WDR49: variants seen among roughly 807,000 people sequenced by gnomAD.
WDR49 encodes WD repeat domain 49, also known as cilia- and flagella-associated protein 337.
A neutral mutation model predicts 119.5 loss-of-function variants in WDR49; 107 were observed. The ratio of observed to expected loss-of-function variants is 0.90; its 90% CI spans 0.77 to 1.05. WDR49 has a LOEUF of 1.05. Among genes scored for constraint, WDR49 ranks in the 50% least tolerant of loss-of-function variants. The pLI, the probability that WDR49 is intolerant of heterozygous loss-of-function variation, is 0.00. For synonymous variants in WDR49, 425 were observed against 418.8 expected, an observed-to-expected ratio of 1.01 and a Z score of -0.18; for missense variants, 1,240 against 1,220.5, an observed-to-expected ratio of 1.02 and a Z score of -0.24.
intron 10 of WDR49, among the ~76,000 whole-genome samples, chr3:167,540,680 C>T (rs934187176): frequency 4.6e-5 from 7 of 152,064 alleles, no homozygotes; most frequent in Admixed American, 1.3e-4. Flanking sequence ...GGCTCCCCAG[C>T]AATGAATCCA....
At position 167,620,535 on chromosome 3, in the gene WDR49, A is replaced by G; in HGVS notation, c.852T>C (p.Asp284=). 2 of 1,535,818 alleles carry G rather than the reference A, an allele frequency of 1.3e-6. No individual in the cohort carries two copies. The highest frequency in any genetic ancestry group is 1.7e-6 in the Non-Finnish European group (2 of 1,146,636). ...LFERPASACE[D]GEATMTINWA... is the part of the protein sequence containing the mutation. ...AGTTAATGGTCATAGTGGCTTCTCC[A>G]TCTTCACATGCACTAGCAGGCCGTT... The change falls in exon 5 of 19, where the codon GAT becomes GAC. Residue 284 remains aspartate (D), a synonymous_variant. Transcript: ENST00000682715.
intron 7 of WDR49, among the ~76,000 whole-genome samples, chr3:167,590,453 G>C (rs894826712): frequency 6.6e-6 from 1 of 151,946 alleles, no homozygotes; most frequent in Non-Finnish European, 1.5e-5. Flanking sequence ...CCTTTACTTT[G>C]TGGAGTAGTT....
intron 4 of WDR49, among the ~76,000 whole-genome samples, chr3:167,621,264 C>G (rs757645622): frequency 6.6e-6 from 1 of 151,972 alleles, no homozygotes; most frequent in African/African-American, 2.4e-5. Context: ...AAAAAACAAA[C>G]AAACCCCCAC....
At chr3:167,486,654 T>C (rs1750930438) in intron 18 of WDR49, among the ~76,000 whole-genome samples, 1 of 151,986 alleles carries the variant, frequency 6.6e-6, no homozygotes, top group African/African-American at 2.4e-5. Flanking sequence ...AAGAAGGGCA[T>C]ATGCATATAA....
intron 5 of WDR49, among the ~76,000 whole-genome samples, chr3:167,615,987 A>G (rs1357677674): frequency 3.3e-5 from 5 of 152,234 alleles, no homozygotes; most frequent in Non-Finnish European, 7.3e-5. Flanking sequence ...GAACATGATA[A>G]TAAACAAACC....
At chr3:167,493,527 T>G (rs1458120874) in intron 18 of WDR49, among the ~76,000 whole-genome samples, 1 of 152,194 alleles carries the variant, frequency 6.6e-6, no homozygotes, top group Non-Finnish European at 1.5e-5. Context: ...CAGTGAGGCA[T>G]GGAAAACACT....
chr3:167,628,933 T>C (rs1717247209), intron 2 of WDR49, among the ~76,000 whole-genome samples: 1 of 152,116 alleles, frequency 6.6e-6, no homozygotes. Flanking sequence ...GCTCATTTAT[T>C]ATTCCCAAAA....
chr3:167,572,741 T>C (rs1714007626), intron 8 of WDR49, among the ~76,000 whole-genome samples: 1 of 152,096 alleles, frequency 6.6e-6, no homozygotes, highest in Admixed American at 6.5e-5. Flanking sequence ...GGAAAACAAC[T>C]AAAAAATGCG....
chr3:167,643,703 G>A (rs1717987790), intron 2 of WDR49, among the ~76,000 whole-genome samples: 1 of 151,988 alleles, frequency 6.6e-6, no homozygotes, highest in Non-Finnish European at 1.5e-5. Context: ...ATAAAGGAAG[G>A]CCTATGTCTA....
chr3:167,495,098 A>G (rs951658991), intron 18 of WDR49, among the ~76,000 whole-genome samples: 1 of 152,194 alleles, frequency 6.6e-6, no homozygotes. Flanking sequence ...CTGTCATACA[A>G]TAAAAAATTA....
chr3:167,568,098 C>A (rs1713712748), intron 8 of WDR49, among the ~76,000 whole-genome samples: 1 of 152,112 alleles, frequency 6.6e-6, no homozygotes, highest in Admixed American at 6.5e-5. Flanking sequence ...AATAAACATC[C>A]TTTGTGGCGT....
chr3:167,582,788 A>T (rs1398414694), intron 7 of WDR49, among the ~76,000 whole-genome samples: 2 of 152,036 alleles, frequency 1.3e-5, no homozygotes, highest in Non-Finnish European at 2.9e-5. Flanking sequence ...CTCTACTAAA[A>T]CTACAAAAAA....
intron 8 of WDR49, among the ~76,000 whole-genome samples, chr3:167,572,602 G>A (rs915324771): frequency 2.0e-5 from 3 of 152,154 alleles, no homozygotes; most frequent in Admixed American, 1.3e-4. Flanking sequence ...TCTAGTAGTC[G>A]AGCATTCATT....
intron 2 of WDR49, among the ~76,000 whole-genome samples, chr3:167,635,386 G>T (rs1472132628): frequency 6.6e-6 from 1 of 151,662 alleles, no homozygotes; most frequent in African/African-American, 2.4e-5. Context: ...CTAAAGTATA[G>T]TTCTATTAGT....
chr3:167,549,566 T>A (rs1004498277), intron 10 of WDR49, among the ~76,000 whole-genome samples: 1 of 152,222 alleles, frequency 6.6e-6, no homozygotes, highest in Admixed American at 6.5e-5. Context: ...TAAATTTGTT[T>A]AAGTTCTTCG....
chr3:167,621,242 A>G (rs1163488228), intron 4 of WDR49, among the ~76,000 whole-genome samples: 2 of 152,150 alleles, frequency 1.3e-5, no homozygotes, highest in Non-Finnish European at 2.9e-5. Context: ...AAAGTGAGCT[A>G]TACACAGACC....
intron 17 of WDR49, among the ~76,000 whole-genome samples, chr3:167,502,493 G>T (rs1751611482): frequency 6.6e-6 from 1 of 152,130 alleles, no homozygotes; most frequent in Non-Finnish European, 1.5e-5. Flanking sequence ...GGGGAATTTT[G>T]GAAATTCTTA....
chr3:167,603,246 A>C (rs903550802), intron 6 of WDR49, among the ~76,000 whole-genome samples: 2 of 152,150 alleles, frequency 1.3e-5, no homozygotes, highest in African/African-American at 4.8e-5. Flanking sequence ...TGTGGAGCTG[A>C]ACTTAATCAT....
intron 5 of WDR49, among the ~76,000 whole-genome samples, chr3:167,618,209 C>T (rs889018833): frequency 5.3e-5 from 8 of 152,124 alleles, no homozygotes; most frequent in African/African-American, 1.9e-4. Context: ...GGCTTAAGAA[C>T]TACTCTAGGA....
Sources: allele counts gnomAD v4.1 joint callset (sites outside exome capture counted in the v4.1 genomes callset), GRCh38; gene constraint gnomAD v4.1.1; transcripts MANE v1.5; gene names NCBI Gene and HGNC (gene_info 2026-07-23, HGNC 2026-07-21).